POU2F3: variants seen among roughly 807,000 people sequenced by gnomAD.
POU2F3 encodes POU domain, class 2, transcription factor 3.
In POU2F3, 23 loss-of-function variants were observed where a neutral mutation model predicts 59.2. The ratio of observed to expected loss-of-function variants is 0.39; its 90% CI spans 0.28 to 0.55. The LOEUF is 0.55. Among genes scored for constraint, POU2F3 ranks in the 20% least tolerant of loss-of-function variants. POU2F3 has a pLI of 0.66. For missense variants in POU2F3, 473 were observed against 544.5 expected (o/e 0.87, Z 1.31); for synonymous variants, 190 against 214.6 (o/e 0.89, Z 1.00).
upstream of POU2F3, among the ~76,000 whole-genome samples, chr11:120,238,632 C>T (rs962307797): frequency 6.6e-6 from 1 of 151,880 alleles, no homozygotes; most frequent in African/African-American, 2.4e-5. Flanking sequence ...GTCAGGAGAT[C>T]GAGACCATCC....
At chr11:120,305,391 T>C in intron 7 of POU2F3, 179 bp downstream of exon 7, 1 of 902,474 alleles carries the variant, frequency 1.1e-6, no homozygotes, top group South Asian at 1.9e-5. Flanking sequence ...AGGACGTTGC[T>C]GGTGGAGGAG....
chr11:120,316,643 C>A (rs185407299), intron 11 of POU2F3, among the ~76,000 whole-genome samples: 3 of 152,348 alleles, frequency 2.0e-5, no homozygotes, highest in Admixed American at 1.3e-4. Context: ...CCAGGTTGAT[C>A]TTGAATTCCT....
chr11:120,295,139 C>G (rs1591428755), intron 3 of POU2F3, among the ~76,000 whole-genome samples: 2 of 152,122 alleles, frequency 1.3e-5, no homozygotes, highest in African/African-American at 4.8e-5. Context: ...ATCCAGGAAG[C>G]AGATGAAAGG....
chr11:120,289,349 G>A (rs900916977), intron 3 of POU2F3, among the ~76,000 whole-genome samples: 5 of 152,146 alleles, frequency 3.3e-5, no homozygotes, highest in African/African-American at 1.2e-4. Flanking sequence ...TCTTACTTAG[G>A]CAATTGCGGT....
rs1591433400 is a variant in POU2F3 at position 120,299,709 on chromosome 11, C to G, written c.344C>G (p.Thr115Ser). The change falls in exon 5 of 13, where the codon ACC becomes AGC. Residue 115 changes from threonine to serine, a missense_variant. By Grantham distance (58) the Thr-to-Ser change is moderately conservative. Coordinates refer to ENST00000543440, the MANE Select transcript of POU2F3 (RefSeq NM_014352.4). ...GTATCCCAGTTCCTGCTATCTCAGA[C>G]CCAGCCTGGGCAGCAAGGTAAGAAC... ...QSVSQFLLSQ[T>S]QPGQQGLQPN... 6.2e-7 allele frequency: 1 copy of G among 1,612,850 alleles called. No homozygotes were observed. The highest frequency in any genetic ancestry group is 1.7e-5 in the Admixed American group (1 of 59,992).
Position 120,302,282 on chromosome 11 carries a change from C to T in POU2F3, c.362-4C>T. ...TGTTCCTTTGTCCCTCCCCTTTCAC[C>T]CAGGTCTGCAGCCAAATCTCCTCCC... is the stretch of plus-strand genomic sequence containing the variant. On this transcript the variant is annotated splice_polypyrimidine_tract_variant and splice_region_variant and intron_variant, in intron 5 of 12. Transcript: ENST00000543440. 6.2e-7 allele frequency: 1 copy of T among 1,601,804 alleles called. No individual in the cohort carries two copies. Among genetic ancestry groups the T allele is most frequent in the Non-Finnish European group, 8.6e-7 (1 of 1,169,146 alleles).
chr11:120,307,006 A>G (rs1941512004), intron 8 of POU2F3, among the ~76,000 whole-genome samples: 1 of 152,232 alleles, frequency 6.6e-6, no homozygotes, highest in South Asian at 2.1e-4. Context: ...AATGACTCCA[A>G]CACCAACAGT....
chr11:120,245,067 G>A (rs915117276), intron 1 of POU2F3, among the ~76,000 whole-genome samples: 6 of 151,952 alleles, frequency 3.9e-5, no homozygotes, highest in East Asian at 3.9e-4. Context: ...TTACCTTGGC[G>A]TCTTCCCTCA....
chr11:120,260,555 G>A (rs1445191968), intron 2 of POU2F3, among the ~76,000 whole-genome samples: 1 of 152,220 alleles, frequency 6.6e-6, no homozygotes. Flanking sequence ...GGGCTCCCCA[G>A]AATTTTAGTG....
chr11:120,244,577 T>TCCTG (rs1938795032), intron 1 of POU2F3, among the ~76,000 whole-genome samples: 1 of 152,326 alleles, frequency 6.6e-6, no homozygotes, highest in East Asian at 1.9e-4. Context: ...ATGCTCTGAA[T>TCCTG]CCTGGTGCTG....
chr11:120,275,688 C>T (rs988840403), intron 3 of POU2F3, among the ~76,000 whole-genome samples: 57 of 152,260 alleles, frequency 3.7e-4, no homozygotes, highest in African/African-American at 1.1e-3. Context: ...CCTTGTCCCA[C>T]GTTTCCTGCC....
chr11:120,310,031 GC>G (rs1941613980), intron 10 of POU2F3, among the ~76,000 whole-genome samples: 2 of 152,328 alleles, frequency 1.3e-5, no homozygotes, highest in African/African-American at 4.8e-5. Flanking sequence ...ACATTGAAAG[GC>G]CCCTGGCTTT....
In POU2F3 at chr11:120,313,114, T is replaced by C. The variant is rs889782586; in HGVS notation, c.1069-2247T>C. Among the ~76,000 whole-genome samples the C allele has an allele frequency of 3.9e-5, 6 of 152,148 alleles. No homozygotes were observed. The East Asian group carries it at 1.2e-3, about 29-fold the overall frequency. ...GAATCATAGGCCTTGTTAAGAAACTTGGGTCATGTCATAGGAACTTTGGAA... is the reference window on the plus strand; with the variant it reads ...GAATCATAGGCCTTGTTAAGAAACTCGGGTCATGTCATAGGAACTTTGGAA... On this transcript the variant is annotated intron_variant, in intron 10 of 12. Transcript: ENST00000543440.
At chr11:120,270,136 G>T (rs1939999079) in intron 3 of POU2F3, among the ~76,000 whole-genome samples, 1 of 152,116 alleles carries the variant, frequency 6.6e-6, no homozygotes, top group African/African-American at 2.4e-5. Flanking sequence ...CCTTAATCAA[G>T]TTATTTAATA....
intron 2 of POU2F3, among the ~76,000 whole-genome samples, chr11:120,262,962 A>AATTTATTTATTT (rs34700321): frequency 2.8e-4 from 34 of 122,744 alleles, no homozygotes; most frequent in African/African-American, 1.3e-3. Context: ...TTATTTATTT[A>AATTTATTTATTT]ATTTATTTAT....
At position 120,302,326 on chromosome 11, in the gene POU2F3, C is replaced by A. The variant is rs367755083; in HGVS notation, c.402C>A (p.Ser134Arg). 2.2e-5 allele frequency: 36 copies of A among 1,612,922 alleles called. No individual in the cohort carries two copies. The East Asian group carries it at 7.8e-4, about 35-fold the overall frequency. Residue 134 changes from serine (S) to arginine (R), a missense_variant, in exon 6 of 13, where the codon AGC (serine) becomes AGA (arginine). By Grantham distance (110) the Ser-to-Arg change is moderately radical. Coordinates refer to ENST00000543440, the MANE Select transcript of POU2F3 (RefSeq NM_014352.4). ...TCCTCCCCTTTCCACAGCAACAAAG[C>A]GGTCTCCTCCTCCCACAGACTGGGC... ...PNLLPFPQQQ[S>R]GLLLPQTGPG... is the part of the protein sequence containing the mutation.
At chr11:120,270,911 C>T (rs777727423) in intron 3 of POU2F3, among the ~76,000 whole-genome samples, 1 of 152,152 alleles carries the variant, frequency 6.6e-6, no homozygotes, top group Non-Finnish European at 1.5e-5. Context: ...CCAGACTGGT[C>T]TTGAATTCCT....
At chr11:120,311,983 G>A (rs1428148326) in intron 10 of POU2F3, among the ~76,000 whole-genome samples, 1 of 152,146 alleles carries the variant, frequency 6.6e-6, no homozygotes, top group Non-Finnish European at 1.5e-5. Context: ...GGAACCAAGA[G>A]GAAAGACACC....
intron 1 of POU2F3, among the ~76,000 whole-genome samples, chr11:120,245,421 C>CA (rs1409667108): frequency 9.2e-5 from 14 of 152,158 alleles, no homozygotes; most frequent in African/African-American, 2.9e-4. Context: ...GCTGAGTACG[C>CA]AAATTGGCTC....
Sources: allele counts gnomAD v4.1 joint callset (sites outside exome capture counted in the v4.1 genomes callset), GRCh38; gene constraint gnomAD v4.1.1; transcripts MANE v1.5; gene names NCBI Gene and HGNC (gene_info 2026-07-23, HGNC 2026-07-21).